Variants in PRKCH observed in about 807,000 individuals in gnomAD.
PRKCH encodes the protein protein kinase C eta.
PRKCH carries 28 observed loss-of-function variants against 82.5 expected under a neutral mutation model. The ratio of observed to expected loss-of-function variants is 0.34; its 90% CI spans 0.25 to 0.47. The LOEUF (loss-of-function observed/expected upper bound fraction) is 0.47. Among genes scored for constraint, PRKCH ranks in the 20% least tolerant of loss-of-function variants. The pLI, the probability that PRKCH is intolerant of heterozygous loss-of-function variation, is 1.00. For synonymous variants in PRKCH, 322 were observed against 327.4 expected (o/e 0.98, Z 0.18); for missense variants, 705 against 881.8 (o/e 0.80, Z 2.54).
At chr14:61,200,375 A>AAGTG (rs1025207731) in intron 1 of PRKCH, among the ~76,000 whole-genome samples, 6 of 146,886 alleles carry the variant, frequency 4.1e-5, no homozygotes, top group African/African-American at 1.5e-4. Flanking sequence ...GCTACTGTTT[A>AAGTG]AGTGAGTGAG....
chr14:61,370,325 AGGT>A (rs975880481), intron 1 of PRKCH, among the ~76,000 whole-genome samples: 2 of 152,096 alleles, frequency 1.3e-5, no homozygotes, highest in Non-Finnish European at 2.9e-5. Flanking sequence ...CGAAGGGATG[AGGT>A]GGTGATGAGA....
chr14:61,452,839 G>GA, intron 6 of PRKCH: 1 of 225,010 alleles, frequency 4.4e-6, no homozygotes, highest in South Asian at 5.7e-5. Flanking sequence ...TTGAGAGACA[G>GA]AAAAAAATAC....
At chr14:61,215,977 G>A (rs746641846) in intron 1 of PRKCH, among the ~76,000 whole-genome samples, 1 of 152,070 alleles carries the variant, frequency 6.6e-6, no homozygotes, top group Non-Finnish European at 1.5e-5. Context: ...AGGGCTTCTG[G>A]GATTCCACAA....
intron 2 of PRKCH, among the ~76,000 whole-genome samples, chr14:61,426,811 T>C (rs1883131870): frequency 6.6e-6 from 1 of 152,208 alleles, no homozygotes; most frequent in Non-Finnish European, 1.5e-5. Context: ...TGTGGAAAGT[T>C]TCGTCTGAGA....
chr14:61,343,550 G>A (rs534885907), intron 1 of PRKCH, among the ~76,000 whole-genome samples: 8 of 152,162 alleles, frequency 5.3e-5, no homozygotes, highest in East Asian at 3.9e-4. Context: ...TGCAGGGCAC[G>A]ATGATAGATT....
intron 1 of PRKCH, among the ~76,000 whole-genome samples, chr14:61,197,956 A>C (rs1358907763): frequency 1.3e-5 from 2 of 152,162 alleles, no homozygotes; most frequent in Non-Finnish European, 2.9e-5. Flanking sequence ...CAAATCCTTG[A>C]CATTCTTCTG....
chr14:61,441,935 C>A (rs1449995542), intron 2 of PRKCH, among the ~76,000 whole-genome samples: 1 of 151,986 alleles, frequency 6.6e-6, no homozygotes, highest in Non-Finnish European at 1.5e-5. Flanking sequence ...CAGACATGAG[C>A]TACTGTACCC....
intron 1 of PRKCH, among the ~76,000 whole-genome samples, chr14:61,365,281 G>T (rs978607721): frequency 2.0e-5 from 3 of 152,072 alleles, no homozygotes; most frequent in African/African-American, 7.3e-5. Flanking sequence ...GGATTCTATT[G>T]TCATTTATTT....
Position 61,457,488 on chromosome 14 carries a change from C to T in PRKCH, c.1105-18C>T, listed in dbSNP as rs1227339109. ...CCAAGAGGACTCCCTCATGCTCCCT[C>T]CTTTTGCTTTGCCATAGGTGATGCT... On this transcript the variant is annotated intron_variant, in intron 8 of 13. Transcript: ENST00000332981. 4 of 1,612,338 alleles carry T rather than the reference C, an allele frequency of 2.5e-6. No individual in the cohort carries two copies. The highest frequency in any genetic ancestry group is 2.2e-5 in the East Asian group (1 of 44,860).
rs1884589557 is a variant in PRKCH, at chr14:61,453,121, A to G, written c.833-105A>G. On this transcript the variant is annotated intron_variant, in intron 6 of 13. Coordinates refer to ENST00000332981, the MANE Select transcript of PRKCH (RefSeq NM_006255.5). ...GAGAAAATGATACTGTTCAGCCGGTATAATTCCTCTGTTATAATCTTTTAG... is the reference window on the plus strand; with the variant it reads ...GAGAAAATGATACTGTTCAGCCGGTGTAATTCCTCTGTTATAATCTTTTAG... 6.4e-6 allele frequency: 9 copies of G among 1,396,342 alleles called. No individual in the cohort carries two copies. The South Asian group carries it at 7.0e-5, about 11-fold the overall frequency. 86.5% of individuals were successfully genotyped at this position (1,396,342 alleles called of 1,614,324 possible).
At chr14:61,443,737 A>G (rs1884085537) in intron 3 of PRKCH, among the ~76,000 whole-genome samples, 1 of 152,214 alleles carries the variant, frequency 6.6e-6, no homozygotes, top group Non-Finnish European at 1.5e-5. Context: ...CAGTGATCAT[A>G]TACTGTAATC....
chr14:61,313,165 A>G (rs1468743601), intron 1 of PRKCH, among the ~76,000 whole-genome samples: 1 of 152,182 alleles, frequency 6.6e-6, no homozygotes, highest in East Asian at 1.9e-4. Flanking sequence ...AAACCCAGTA[A>G]AGGGTAAAGA....
intron 1 of PRKCH, among the ~76,000 whole-genome samples, chr14:61,236,812 C>T (rs934926057): frequency 5.9e-5 from 9 of 151,620 alleles, no homozygotes; most frequent in Non-Finnish European, 1.0e-4. Context: ...CTGCTACACA[C>T]CCATCAGCAC....
chr14:61,441,084 G>A (rs910981956), intron 2 of PRKCH, among the ~76,000 whole-genome samples: 3 of 69,462 alleles, frequency 4.3e-5, no homozygotes, highest in Non-Finnish European at 9.6e-5. Context: ...TTTTTTGGTA[G>A]AGAAGGAGTT....
rs184310720 is a variant in PRKCH, at chr14:61,193,393, G to C, written c.-19+5725G>C. Reference sequence around the variant, plus strand: ...TGGTCATGGTAGAAAAATCAACCAAGAGGCCTTTGTTTTTCTTTTGCTTTC... The same window carrying C: ...TGGTCATGGTAGAAAAATCAACCAACAGGCCTTTGTTTTTCTTTTGCTTTC... On this transcript the variant is annotated intron_variant, in intron 1 of 3. Transcript: ENST00000555185. 5.9e-5 allele frequency among the ~76,000 whole-genome samples: 9 copies of C among 152,160 alleles called. No homozygotes were observed. In the East Asian group the frequency reaches 1.7e-3, roughly 29 times the overall value.
chr14:61,213,727 C>T (rs1343903793), intron 1 of PRKCH, among the ~76,000 whole-genome samples: 1 of 152,226 alleles, frequency 6.6e-6, no homozygotes, highest in Non-Finnish European at 1.5e-5. Flanking sequence ...AGAAGGGGCC[C>T]AGCAGCTGCT....
intron 10 of PRKCH, among the ~76,000 whole-genome samples, chr14:61,511,866 CTG>C (rs958386773): frequency 1.3e-5 from 2 of 152,184 alleles, no homozygotes; most frequent in African/African-American, 4.8e-5. Context: ...GATCCCGACT[CTG>C]TGGGTGGATA....
intron 1 of PRKCH, among the ~76,000 whole-genome samples, chr14:61,339,622 C>CTTTTTT (rs757220300): frequency 1.0e-4 from 6 of 60,026 alleles, no homozygotes; most frequent in Admixed American, 2.2e-4. Context: ...CAAGCCCGGC[C>CTTTTTT]TTTTTTTTTT....
At chr14:61,471,603 T>C (rs1885507715) in intron 9 of PRKCH, among the ~76,000 whole-genome samples, 1 of 152,094 alleles carries the variant, frequency 6.6e-6, no homozygotes, top group Admixed American at 6.6e-5. Flanking sequence ...CGTCACCTTC[T>C]TGACCCTCAC....
Sources: allele counts gnomAD v4.1 joint callset (sites outside exome capture counted in the v4.1 genomes callset), GRCh38; gene constraint gnomAD v4.1.1; transcripts MANE v1.5; gene names NCBI Gene and HGNC (gene_info 2026-07-23, HGNC 2026-07-21).